The following TULP2 variants were observed in gnomAD, a reference collection of about 807,000 sequenced individuals.
The protein encoded by TULP2 is tubby-related protein 2.
TULP2 carries 64 observed loss-of-function variants against 60.3 expected under a neutral mutation model. The observed-to-expected ratio is 1.06, with a 90% CI of 0.87 to 1.31. The LOEUF is 1.31. TULP2 is among the 50% of genes most tolerant of loss of function. The probability of loss-of-function intolerance (pLI) is 0.00; values close to 1 mark genes in which losing one functional copy is unlikely to be tolerated. For synonymous variants in TULP2, 267 were observed against 265.4 expected (o/e 1.01, Z -0.06); for missense variants, 652 against 667.0 (o/e 0.98, Z 0.25).
chr19:48,881,110 G>C lies in TULP2; in HGVS notation c.1464C>G (p.Leu488=). The change falls in exon 13 of 13, where the codon CTC becomes CTG. Residue 488 remains leucine (L), a synonymous_variant. Coordinates refer to ENST00000221399, the MANE Select transcript of TULP2 (RefSeq NM_003323.3). ...TGTCTGGGCCCACTCGGCCGAACTG[G>C]AGCACCAGATGTTCTTCTGAGAAGT... ...VDPKHQEHLV[L]QFGRVGPDTF... 1 of 1,613,146 alleles carries C rather than the reference G, an allele frequency of 6.2e-7. No homozygotes were observed. Among genetic ancestry groups the C allele is most frequent in the Middle Eastern group, 1.7e-4 (1 of 6,056 alleles).
intron 7 of TULP2, 100 bp from the exon 8 acceptor site, chr19:48,888,361 T>A: frequency 8.0e-7 from 1 of 1,251,306 alleles, no homozygotes; most frequent in Non-Finnish European, 1.1e-6. Context: ...CCCTTGCCCA[T>A]CCACATTTTC....
chr19:48,897,208 A>T lies in TULP2; in HGVS notation c.84+137T>A, dbSNP rs1041101894. 1.0e-6 allele frequency: 1 copy of T among 989,366 alleles called. No homozygotes were observed. The highest frequency in any genetic ancestry group is 1.4e-5 in the South Asian group (1 of 69,230). The allele number at this position is 989,366 out of a possible 1,614,324, so 61.3% of individuals were successfully genotyped here. A position where few individuals can be genotyped will look rare whatever the true frequency, so the allele number is the denominator to read the frequency against. On this transcript the variant is annotated intron_variant, in intron 3 of 12. Coordinates refer to ENST00000221399, the MANE Select transcript of TULP2 (RefSeq NM_003323.3). The surrounding 1 kb of genome is among the most constrained non-coding windows in gnomAD (Gnocchi z 4.0). ...CCCGGCCCCAAATTCCTATTTTCTC[A>T]TTTCTCAGTGGGAAAACTCAAGGAT... is the stretch of plus-strand genomic sequence containing the variant.
At chr19:48,892,334 A>C (rs1334375113) in intron 6 of TULP2, among the ~76,000 whole-genome samples, 1 of 152,154 alleles carries the variant, frequency 6.6e-6, no homozygotes, top group Non-Finnish European at 1.5e-5. Context: ...AGAATGGAGA[A>C]TGGCAATGAC....
intron 6 of TULP2, 85 bp downstream of exon 6, chr19:48,894,913 C>A: frequency 1.3e-6 from 2 of 1,486,654 alleles, no homozygotes; most frequent in East Asian, 2.3e-5. Flanking sequence ...AATTATACTT[C>A]AGTGAAGCTG....
intron 12 of TULP2, among the ~76,000 whole-genome samples, 186 bp downstream of exon 12, chr19:48,881,846 G>A (rs887796663): frequency 6.6e-6 from 1 of 152,148 alleles, no homozygotes; most frequent in Non-Finnish European, 1.5e-5. Flanking sequence ...GAGGCTGAGC[G>A]GTGCCCTTAC....
Position 48,888,098 on chromosome 19 carries a change from C to T in TULP2, c.800G>A (p.Gly267Glu), listed in dbSNP as rs372623960. 3 of 1,614,092 alleles carry T rather than the reference C, an allele frequency of 1.9e-6. No individual in the cohort carries two copies. The highest frequency in any genetic ancestry group is 1.1e-5 in the South Asian group (1 of 91,092). The change falls in exon 8 of 13, where the codon GGG becomes GAG. Residue 267 changes from glycine (G) to glutamate (E), a missense_variant. Transcript: ENST00000221399. ...GTAGGCTTCCATGTCCTCCTCCAGC[C>T]CAGGGCAGGGGGAGCGGATTGCCAA... The part of the protein sequence containing the change: ...ASLAIRSPCP[G>E]LEEDMEAYVL...
At chr19:48,888,653 G>A (rs925072370) in intron 7 of TULP2, among the ~76,000 whole-genome samples, 3 of 151,988 alleles carry the variant, frequency 2.0e-5, no homozygotes, top group Non-Finnish European at 4.4e-5. Flanking sequence ...ACAGAGTTTC[G>A]CTCTGTCGCC....
At chr19:48,882,990 C>T (rs1414819122) in intron 11 of TULP2, among the ~76,000 whole-genome samples, 1 of 152,058 alleles carries the variant, frequency 6.6e-6, no homozygotes, top group Non-Finnish European at 1.5e-5. Flanking sequence ...GAGGCCGAGG[C>T]GGGTGAATCA....
intron 11 of TULP2, 48 bp downstream of exon 11, chr19:48,883,706 C>T (rs779233616): frequency 2.5e-6 from 4 of 1,602,190 alleles, no homozygotes; most frequent in African/African-American, 1.3e-5. Context: ...AGGACCGGCC[C>T]CAGCCCCTTC....
Position 48,881,142 on chromosome 19 carries a change from G to T in TULP2, c.1448-16C>A. On this transcript the variant is annotated splice_polypyrimidine_tract_variant and intron_variant, in intron 12 of 12. Transcript: ENST00000221399. ...AGATGTTCTTCTGAGAAGTGAATCA[G>T]GAACAAAGCCTTAGCCTGACTCTCT... is the stretch of plus-strand genomic sequence containing the variant. The T allele has an allele frequency of 6.3e-7, 1 of 1,591,932 alleles. No homozygotes were observed. Among genetic ancestry groups the T allele is most frequent in the Non-Finnish European group, 8.6e-7 (1 of 1,162,070 alleles).
intron 6 of TULP2, among the ~76,000 whole-genome samples, chr19:48,894,639 CCAA>C (rs140103787): frequency 0.11 from 15,966 of 152,042 alleles, 1,168 homozygotes; most frequent in Non-Finnish European, 0.16. Context: ...AGACTCCCTC[CCAA>C]CAACAACAGC....
rs1051162477 is a variant in TULP2, at chr19:48,897,474, T to G, written c.33-78A>C. ...AAGAGAGTCCCTCCTTCCCCCATCC[T>G]GCCCCTATCTCAGCTTGGGTTCTGG... On this transcript the variant is annotated intron_variant, in intron 2 of 12. Transcript: ENST00000221399. This position sits in a 1 kb window ranked among gnomAD's most constrained non-coding sequence, Gnocchi z 4.0. The G allele has an allele frequency of 2.3e-5, 34 of 1,474,122 alleles. No individual in the cohort carries two copies. The Admixed American group carries it at 6.2e-4, about 27-fold the overall frequency. The allele number at this position is 1,474,122 out of a possible 1,614,324, so 91.3% of individuals were successfully genotyped here. A position where few individuals can be genotyped will look rare whatever the true frequency, so the allele number is the denominator to read the frequency against.
intron 8 of TULP2, 114 bp downstream of exon 8, chr19:48,887,836 G>A: frequency 8.6e-7 from 1 of 1,160,654 alleles, no homozygotes; most frequent in Non-Finnish European, 1.2e-6. Flanking sequence ...GGGATTATAG[G>A]CGTGAGCCAC....
intron 9 of TULP2, 98 bp downstream of exon 9, chr19:48,885,350 G>T: frequency 1.0e-6 from 1 of 960,446 alleles, no homozygotes; most frequent in Non-Finnish European, 1.6e-6. Context: ...TCCCTGAGCA[G>T]GTGGAAGGTA....
chr19:48,884,188 G>T, intron 9 of TULP2, 142 bp from the exon 10 acceptor site: 1 of 708,920 alleles, frequency 1.4e-6, no homozygotes, highest in Non-Finnish European at 2.4e-6. Context: ...TCCTGGCTGG[G>T]CACAGGGGCT....
rs1041462047 is a variant in TULP2 at position 48,897,014 on chromosome 19, C to T, written c.84+331G>A. Among the ~76,000 whole-genome samples, 7 of 152,012 alleles carry T rather than the reference C, an allele frequency of 4.6e-5. No individual in the cohort carries two copies. Among genetic ancestry groups the T allele is most frequent in the African/African-American group, 1.7e-4 (7 of 41,390 alleles). On this transcript the variant is annotated intron_variant, in intron 3 of 12. Transcript: ENST00000221399. This position sits in a 1 kb window ranked among gnomAD's most constrained non-coding sequence, Gnocchi z 4.0. ...AAACGATTCTCCTGCCTCAGCCTCCCGAGTAGCTGGGATTACAGGCGCCTG... is the reference window on the plus strand; with the variant it reads ...AAACGATTCTCCTGCCTCAGCCTCCTGAGTAGCTGGGATTACAGGCGCCTG...
chr19:48,890,125 C>A (rs1360977036), intron 6 of TULP2, among the ~76,000 whole-genome samples: 1 of 151,952 alleles, frequency 6.6e-6, no homozygotes, highest in Non-Finnish European at 1.5e-5. Flanking sequence ...AAGAGGAAGG[C>A]ATCTGTCTCC....
At chr19:48,892,524 G>C (rs1260492330) in intron 6 of TULP2, among the ~76,000 whole-genome samples, 1 of 150,352 alleles carries the variant, frequency 6.7e-6, no homozygotes, top group Non-Finnish European at 1.5e-5. Flanking sequence ...TTGGGGGGGG[G>C]ACGGAGTCTT....
intron 7 of TULP2, among the ~76,000 whole-genome samples, chr19:48,888,464 A>C (rs1176275929): frequency 1.3e-5 from 2 of 152,124 alleles, no homozygotes; most frequent in Non-Finnish European, 2.9e-5. Context: ...AGCCACACGC[A>C]TTCCACCTGC....
Sources: allele counts gnomAD v4.1 joint callset (sites outside exome capture counted in the v4.1 genomes callset), GRCh38; gene constraint gnomAD v4.1.1; non-coding constraint Gnocchi (gnomAD v3.1); transcripts MANE v1.5; gene names NCBI Gene and HGNC (gene_info 2026-07-23, HGNC 2026-07-21).